Variants in PPP4R1 observed in about 807,000 individuals in gnomAD.
PPP4R1 encodes the protein serine/threonine-protein phosphatase 4 regulatory subunit 1.
A neutral mutation model predicts 111.2 loss-of-function variants in PPP4R1; 42 were observed. That is an observed-to-expected ratio of 0.38 (90% CI 0.29 to 0.49). The LOEUF (loss-of-function observed/expected upper bound fraction) is 0.49. Ranked by LOEUF, PPP4R1 falls within the 20% of genes least tolerant of loss-of-function variation. The probability of loss-of-function intolerance (pLI) is 0.97; values close to 1 mark genes in which losing one functional copy is unlikely to be tolerated. For synonymous variants in PPP4R1, 409 were observed against 405.5 expected, an observed-to-expected ratio of 1.01 and a Z score of -0.10; for missense variants, 1,012 against 1,161.6, an observed-to-expected ratio of 0.87 and a Z score of 1.87.
At chr18:9,564,738 G>GTGTGT (rs67103985) in intron 11 of PPP4R1, among the ~76,000 whole-genome samples, 1 of 12,524 alleles carries the variant, frequency 8.0e-5, no homozygotes. Context: ...GTGTGTGTGT[G>GTGTGT]GGGGTATCAT....
intron 2 of PPP4R1, among the ~76,000 whole-genome samples, chr18:9,607,783 C>CTTT (rs59033925): frequency 1.6e-5 from 2 of 125,374 alleles, no homozygotes; most frequent in Admixed American, 8.1e-5. Context: ...TTCTTTCTTT[C>CTTT]TTTTTTTTTT....
At chr18:9,614,661 TCCCGGCCGCCCGGGCC>T (rs1318529993), upstream of PPP4R1, 75 of 145,356 alleles carry the variant, frequency 5.2e-4, no homozygotes, top group Non-Finnish European at 8.8e-4. This position sits in a 1 kb window ranked among gnomAD's most constrained non-coding sequence, Gnocchi z 4.1. Context: ...GCGGCGCGGC[TCCCGGCCGCCCGGGCC>T]CCCGGCCGCG....
At chr18:9,567,405 G>A (rs886291189) in intron 11 of PPP4R1, among the ~76,000 whole-genome samples, 1 of 152,136 alleles carries the variant, frequency 6.6e-6, no homozygotes, top group Non-Finnish European at 1.5e-5. Flanking sequence ...CCAGGCTGGA[G>A]TATAGTGGTT....
chr18:9,554,493 A>T (rs1464400100), intron 15 of PPP4R1, among the ~76,000 whole-genome samples: 1 of 152,138 alleles, frequency 6.6e-6, no homozygotes, highest in African/African-American at 2.4e-5. Context: ...AAAAGAAAAA[A>T]ATATATAAAG....
rs367947248 is a variant in PPP4R1, at chr18:9,570,264, G to C, written c.1466C>G (p.Ser489Cys). The C allele has an allele frequency of 9.9e-6, 16 of 1,610,832 alleles. No homozygotes were observed. The highest frequency in any genetic ancestry group is 1.3e-5 in the African/African-American group (1 of 74,682). ...KPSPEGPEEE[S>C]EGPVPSSPNI... Reference sequence around the variant, plus strand: ...TGGAGAACTGGGCACAGGGCCCTCAGATTCTTCCTCTGGTCCCTCTGGGCT... The same window carrying C: ...TGGAGAACTGGGCACAGGGCCCTCACATTCTTCCTCTGGTCCCTCTGGGCT... The change falls in exon 11 of 20, where the codon TCT becomes TGT. Residue 489 changes from serine to cysteine, a missense_variant. By Grantham distance (112) the Ser-to-Cys change is moderately radical. Coordinates refer to ENST00000400556, the MANE Select transcript of PPP4R1 (RefSeq NM_001042388.3).
intron 19 of PPP4R1, 75 bp downstream of exon 19, chr18:9,549,122 A>G (rs55638045): frequency 0.031 from 47,387 of 1,514,054 alleles, 833 homozygotes; most frequent in Non-Finnish European, 0.035. Context: ...TTCTGCTTTG[A>G]TATCTGCTGA....
At position 9,590,639 on chromosome 18, in the gene PPP4R1, G is replaced by C. The variant is rs577858022; in HGVS notation, c.296-1786C>G. Among the ~76,000 whole-genome samples the C allele has an allele frequency of 2.9e-4, 44 of 152,150 alleles. No homozygotes were observed. In the East Asian group the frequency reaches 6.8e-3, roughly 23 times the overall value. ...GTACAGACAACCGATTTATTAAAAG[G>C]TGAACTGGGAAAGATGGTCTTCCCA... On this transcript the variant is annotated intron_variant, in intron 4 of 19. Coordinates refer to ENST00000400556, the MANE Select transcript of PPP4R1 (RefSeq NM_001042388.3).
intron 2 of PPP4R1, among the ~76,000 whole-genome samples, chr18:9,611,390 T>C (rs954812685): frequency 6.6e-6 from 1 of 151,952 alleles, no homozygotes; most frequent in African/African-American, 2.4e-5. Context: ...TCCTCTACCT[T>C]CTCCAGCTTC....
rs1013556650 is a variant in PPP4R1, at chr18:9,584,652, T to C, written c.693+69A>G. 1.2e-5 allele frequency: 19 copies of C among 1,601,416 alleles called. No homozygotes were observed. The South Asian group carries it at 2.0e-4, about 17-fold the overall frequency. ...TTCTTCTAAGATAATCTTTTAAATA[T>C]CATGTATCAGTACATTAACCACTAG... is the stretch of plus-strand genomic sequence containing the variant. On this transcript the variant is annotated intron_variant, in intron 7 of 19. Coordinates refer to ENST00000400556, the MANE Select transcript of PPP4R1 (RefSeq NM_001042388.3).
chr18:9,608,636 AG>A (rs1213457117), intron 2 of PPP4R1, among the ~76,000 whole-genome samples: 1 of 152,242 alleles, frequency 6.6e-6, no homozygotes, highest in Non-Finnish European at 1.5e-5. Context: ...AAAATTCCAT[AG>A]GTGTGCCATC....
chr18:9,588,912 C>T, intron 4 of PPP4R1, 59 bp from the exon 5 acceptor site: 1 of 1,584,016 alleles, frequency 6.3e-7, no homozygotes, highest in African/African-American at 1.4e-5. Flanking sequence ...AAACCTTTAT[C>T]TGTTCTTGAG....
Position 9,614,528 on chromosome 18 carries a change from CTACATGGAGCGGCGCGAGCCGGGGA to C in PPP4R1, c.-69_-45del. On this transcript the variant is annotated 5_prime_UTR_variant, in exon 1 of 20. An upstream start codon of the reference 5' UTR is lost. Transcript: ENST00000400556. This position sits in a 1 kb window ranked among gnomAD's most constrained non-coding sequence, Gnocchi z 4.1. ...TCCGCGGCCGCCCGGGGAGCCGGGG[CTACATGGAGCGGCGCGAGCCGGGGA>C]GCCGGTGGACGCGCGCGGGAGGGGC... 14 of 1,009,970 alleles carry C rather than the reference CTACATGGAGCGGCGCGAGCCGGGGA, an allele frequency of 1.4e-5. No homozygotes were observed. Among genetic ancestry groups the C allele is most frequent in the Non-Finnish European group, 1.5e-5 (13 of 847,368 alleles). The allele number at this position is 1,009,970 out of a possible 1,614,324, so 62.6% of individuals were successfully genotyped here. A position where few individuals can be genotyped will look rare whatever the true frequency, so the allele number is the denominator to read the frequency against.
At chr18:9,582,874 T>A (rs1472662965) in intron 9 of PPP4R1, among the ~76,000 whole-genome samples, 2 of 152,196 alleles carry the variant, frequency 1.3e-5, no homozygotes, top group African/African-American at 2.4e-5. Flanking sequence ...ATCTAAAAAT[T>A]AACATAATAC....
At chr18:9,601,625 T>A (rs2067384594) in intron 2 of PPP4R1, among the ~76,000 whole-genome samples, 1 of 152,158 alleles carries the variant, frequency 6.6e-6, no homozygotes, top group Non-Finnish European at 1.5e-5. Flanking sequence ...CTTGAGCAGC[T>A]GGAATTACAG....
upstream of PPP4R1, among the ~76,000 whole-genome samples, chr18:9,615,599 C>A (rs1015429535): frequency 6.6e-6 from 1 of 152,136 alleles, no homozygotes; most frequent in Admixed American, 6.5e-5. Context: ...GGGGCTAAAC[C>A]CAGGTTTTCC....
chr18:9,549,775 A>T, intron 18 of PPP4R1: 1 of 556,484 alleles, frequency 1.8e-6, no homozygotes, highest in East Asian at 3.1e-5. Flanking sequence ...GCAGAGCAGA[A>T]CACGCACATA....
At chr18:9,611,497 C>T (rs1329171479) in intron 2 of PPP4R1, among the ~76,000 whole-genome samples, 1 of 152,190 alleles carries the variant, frequency 6.6e-6, no homozygotes, top group African/African-American at 2.4e-5. Context: ...TCTCCCTTCA[C>T]AAGAGATGGG....
intron 2 of PPP4R1, among the ~76,000 whole-genome samples, chr18:9,603,368 TAA>T (rs529232643): frequency 2.6e-5 from 4 of 152,154 alleles, no homozygotes; most frequent in Non-Finnish European, 5.9e-5. Context: ...TCCATTTCAT[TAA>T]GAGATGCCTT....
rs895048812 is a variant in PPP4R1, at chr18:9,614,084, G to T, written c.52+142C>A. 26 of 645,930 alleles carry T rather than the reference G, an allele frequency of 4.0e-5. No individual in the cohort carries two copies. The African/African-American group carries it at 4.8e-4, about 12-fold the overall frequency. The allele number at this position is 645,930 out of a possible 1,614,324, so 40.0% of individuals were successfully genotyped here. ...TCACGGACGCGAGATTTTCCCCCCC[G>T]ATCGCCACCCCAGCCCGCCTGGGGC... On this transcript the variant is annotated intron_variant, in intron 2 of 19. Transcript: ENST00000400556. This position sits in a 1 kb window ranked among gnomAD's most constrained non-coding sequence, Gnocchi z 4.1.
Sources: gnomAD v4.1 joint callset for allele counts (sites outside exome capture counted in the v4.1 genomes callset) on GRCh38, gnomAD v4.1.1 for gene constraint, Gnocchi (gnomAD v3.1) non-coding constraint, MANE v1.5 for transcripts, NCBI Gene and HGNC (gene_info 2026-07-23, HGNC 2026-07-21) for gene names.